The following CAPN13 variants were observed in gnomAD, a reference collection of about 807,000 sequenced individuals.
CAPN13 encodes calpain 13, also known as calpain-13.
Under a neutral mutation model 98.4 loss-of-function variants are expected in CAPN13, and 90 were observed. That is an observed-to-expected ratio of 0.92 (90% CI 0.77 to 1.09). The LOEUF (loss-of-function observed/expected upper bound fraction) is 1.09. Among genes scored for constraint, CAPN13 ranks in the 50% least tolerant of loss-of-function variants. CAPN13 has a pLI of 0.00. For synonymous variants in CAPN13, 330 were observed against 305.5 expected (o/e 1.08, Z -0.84); for missense variants, 887 against 841.3 (o/e 1.05, Z -0.67).
chr2:30,800,116 AAAAGAAAGAAAGAAAG>A (rs60233900), intron 1 of CAPN13, among the ~76,000 whole-genome samples: 1,087 of 85,646 alleles, frequency 0.013, 6 homozygotes, highest in African/African-American at 0.018. Context: ...GAAAAGAAAG[AAAAGAAAGAAAGAAAG>A]AAAGAAAGAA....
chr2:30,766,325 A>G (rs1673110557), intron 5 of CAPN13, among the ~76,000 whole-genome samples: 1 of 152,158 alleles, frequency 6.6e-6, no homozygotes, highest in African/African-American at 2.4e-5. Flanking sequence ...CCTCGGAGTC[A>G]CCCAAGACAA....
At chr2:30,748,661 C>G (rs1480835846) in intron 11 of CAPN13, among the ~76,000 whole-genome samples, 1 of 152,058 alleles carries the variant, frequency 6.6e-6, no homozygotes, top group Non-Finnish European at 1.5e-5. Flanking sequence ...TGGCCTCTAG[C>G]TGCTTGCAGT....
chr2:30,764,041 C>T (rs1407773308), intron 6 of CAPN13, 91 bp downstream of exon 6: 7 of 1,323,820 alleles, frequency 5.3e-6, no homozygotes, highest in Non-Finnish European at 6.2e-6. Context: ...TGGCAGCTTG[C>T]CACATCCTCC....
rs898051757 is a variant in CAPN13 at position 30,755,729 on chromosome 2, A to T, written c.867-1365T>A. On this transcript the variant is annotated intron_variant, in intron 8 of 22. Transcript: ENST00000295055. The stretch of plus-strand genomic sequence containing the variant: ...GTGCTAGGACAGCAAGGCAGGGGCC[A>T]CCACTCAGGCTTCTGGCTGCAGGCT... 6.6e-4 allele frequency among the ~76,000 whole-genome samples: 100 copies of T among 152,342 alleles called. 1 individual carries two copies. The highest frequency in any genetic ancestry group is 2.3e-3 in the African/African-American group (97 of 41,586).
intron 2 of CAPN13, among the ~76,000 whole-genome samples, chr2:30,778,334 A>T (rs556647225): frequency 7.9e-4 from 120 of 152,264 alleles, no homozygotes; most frequent in African/African-American, 2.8e-3. Flanking sequence ...GAATATGAAG[A>T]ACTGTCAGCA....
At chr2:30,776,297 T>C (rs1244347360) in intron 3 of CAPN13, among the ~76,000 whole-genome samples, 1 of 152,104 alleles carries the variant, frequency 6.6e-6, no homozygotes, top group Non-Finnish European at 1.5e-5. Context: ...AGTGACGCGC[T>C]CTGGGCTCAC....
intron 9 of CAPN13, 102 bp from the exon 10 acceptor site, chr2:30,753,300 A>C (rs1298148096): frequency 1.5e-5 from 18 of 1,229,652 alleles, no homozygotes; most frequent in Non-Finnish European, 2.0e-5. Context: ...CCCAGAGGCC[A>C]GTGTCTGATC....
At chr2:30,758,809 T>TCCCCTTCC (rs772610847) in intron 7 of CAPN13, among the ~76,000 whole-genome samples, 1 of 65,650 alleles carries the variant, frequency 1.5e-5, no homozygotes, top group African/African-American at 6.4e-5. Flanking sequence ...CCTCCCTCCC[T>TCCCCTTCC]TCCCTTCCTC....
chr2:30,724,098 C>T (rs982278899), intron 22 of CAPN13, among the ~76,000 whole-genome samples: 3 of 152,068 alleles, frequency 2.0e-5, no homozygotes, highest in Non-Finnish European at 4.4e-5. Flanking sequence ...TGCTTCTAAC[C>T]CCCTTTCATG....
At chr2:30,790,212 C>A (rs1483421397) in intron 1 of CAPN13, among the ~76,000 whole-genome samples, 1 of 152,250 alleles carries the variant, frequency 6.6e-6, no homozygotes, top group Admixed American at 6.5e-5. Context: ...AGAGGACCAC[C>A]TGATTTTCCT....
Position 30,734,483 on chromosome 2 carries a change from C to T in CAPN13, c.1764G>A (p.Leu588=), listed in dbSNP as rs1671260318. 3.7e-6 allele frequency: 6 copies of T among 1,614,010 alleles called. No homozygotes were observed. The highest frequency in any genetic ancestry group is 5.1e-6 in the Non-Finnish European group (6 of 1,179,878). ...CTATGGCCTTCCACAAGTCCGAGCT[C>T]AGGAGGACTCCAGGGCTTGTCTGAA... ...QKVQTSPGVL[L]SSDLWKAIEN... Residue 588 remains leucine, a synonymous_variant, in exon 19 of 23, where the codon CTG becomes CTA. Transcript: ENST00000295055.
At position 30,805,642 on chromosome 2, in the gene CAPN13, A is replaced by AC. The variant is rs1489219231; in HGVS notation, c.-33+1659dup. On this transcript the variant is annotated intron_variant, in intron 1 of 22. Transcript: ENST00000295055. ...ATGTCTTAGTGATGAGGAAACTGGG[A>AC]CCCCCAAGAGGTTAAGGAGCATGCC... Among the ~76,000 whole-genome samples, 3 of 150,756 alleles carry AC rather than the reference A, an allele frequency of 2.0e-5. No individual in the cohort carries two copies. In the East Asian group the frequency reaches 5.8e-4, roughly 29 times the overall value.
chr2:30,796,192 A>ATGTGTGTATATATATATACATATATC (rs1674863609), intron 1 of CAPN13, among the ~76,000 whole-genome samples: 1 of 139,368 alleles, frequency 7.2e-6, no homozygotes, highest in Non-Finnish European at 1.5e-5. Context: ...ATACATATAT[A>ATGTGTGTATATATATATACATATATC]TGTGTGTGTA....
chr2:30,801,387 G>A (rs1158959960), intron 1 of CAPN13, among the ~76,000 whole-genome samples: 2 of 151,898 alleles, frequency 1.3e-5, no homozygotes, highest in African/African-American at 2.4e-5. Context: ...AGGGTGAGGC[G>A]GGTGGATCAC....
chr2:30,765,248 T>C (rs368860286), intron 5 of CAPN13, among the ~76,000 whole-genome samples: 94 of 152,246 alleles, frequency 6.2e-4, no homozygotes, highest in African/African-American at 2.0e-3. Context: ...AAGCGTTCCA[T>C]GGAATCTTGA....
At chr2:30,803,634 C>T (rs989138357) in intron 1 of CAPN13, among the ~76,000 whole-genome samples, 2 of 152,192 alleles carry the variant, frequency 1.3e-5, no homozygotes, top group Non-Finnish European at 2.9e-5. Flanking sequence ...CAGCTCGTCA[C>T]CCCAGCCACT....
At chr2:30,734,316 G>A (rs1671246292) in intron 19 of CAPN13, 133 bp downstream of exon 19, 2 of 685,156 alleles carry the variant, frequency 2.9e-6, no homozygotes, top group South Asian at 3.6e-5. Flanking sequence ...TGTGAACTGG[G>A]GAGGACACGA....
intron 1 of CAPN13, among the ~76,000 whole-genome samples, chr2:30,800,116 AAAAGAAAG>A (rs60233900): frequency 0.076 from 6,485 of 85,564 alleles, 246 homozygotes; most frequent in African/African-American, 0.1. Context: ...GAAAAGAAAG[AAAAGAAAG>A]AAAGAAAGAA....
At chr2:30,725,770 T>C (rs1358490047) in intron 22 of CAPN13, among the ~76,000 whole-genome samples, 1 of 152,128 alleles carries the variant, frequency 6.6e-6, no homozygotes, top group African/African-American at 2.4e-5. Flanking sequence ...TAAGGGAATA[T>C]TGGATAGAGT....
Sources: gnomAD v4.1 joint callset for allele counts (sites outside exome capture counted in the v4.1 genomes callset) on GRCh38, gnomAD v4.1.1 for gene constraint, MANE v1.5 for transcripts, NCBI Gene and HGNC (gene_info 2026-07-23, HGNC 2026-07-21) for gene names.